Variants in MAF observed in about 807,000 individuals in gnomAD.
MAF encodes the protein transcription factor Maf.
MAF carries 10 observed loss-of-function variants against 22.0 expected under a neutral mutation model. That is an observed-to-expected ratio of 0.45 (90% CI 0.28 to 0.77). MAF has a LOEUF of 0.77. Among genes scored for constraint, MAF ranks in the 30% least tolerant of loss-of-function variants. The pLI is 0.12. For missense variants in MAF, 544 were observed against 548.4 expected (o/e 0.99, Z 0.08); for synonymous variants, 337 against 255.8 (o/e 1.32, Z -3.03).
At chr16:79,289,074 G>C in the MAF span, among the ~76,000 whole-genome samples, 1 of 152,214 alleles carries the variant, frequency 6.6e-6, no homozygotes, top group Non-Finnish European at 1.5e-5. Flanking sequence ...TACCTGCTGA[G>C]ATCTCTAAGT....
exon 2 of MAF, chr16:79,585,845 A>G: frequency 1.8e-6 from 1 of 564,022 alleles, no homozygotes; most frequent in Non-Finnish European, 3.1e-6. Flanking sequence ...AAAAAAAAAA[A>G]CTCAAGCACA....
the MAF span, among the ~76,000 whole-genome samples, chr16:79,546,418 G>T: frequency 2.0e-5 from 3 of 152,178 alleles, no homozygotes; most frequent in African/African-American, 7.2e-5. Context: ...CTTGGGCTGG[G>T]AGAAGAGATA....
chr16:79,571,643 C>T, the MAF span, among the ~76,000 whole-genome samples: 1 of 149,970 alleles, frequency 6.7e-6, no homozygotes, highest in African/African-American at 2.5e-5. Context: ...ATCCTGTAGG[C>T]CAAACGTAGT....
chr16:79,332,488 T>C, the MAF span, among the ~76,000 whole-genome samples: 5 of 152,156 alleles, frequency 3.3e-5, no homozygotes, highest in Non-Finnish European at 7.4e-5. Context: ...TTTGTAGAGA[T>C]AGAGTTTCGC....
downstream of MAF, among the ~76,000 whole-genome samples, chr16:79,582,365 A>G (rs759506620): frequency 1.3e-5 from 2 of 152,222 alleles, no homozygotes; most frequent in East Asian, 1.9e-4. Context: ...GTTTTAAGTA[A>G]GTAATGAGTG....
the MAF span, among the ~76,000 whole-genome samples, chr16:79,365,793 T>C: frequency 6.6e-6 from 1 of 152,216 alleles, no homozygotes; most frequent in African/African-American, 2.4e-5. Context: ...CATGAAATTG[T>C]TGACGAGGTG....
At chr16:79,554,447 T>G in the MAF span, among the ~76,000 whole-genome samples, 3 of 152,230 alleles carry the variant, frequency 2.0e-5, no homozygotes, top group Middle Eastern at 3.4e-3. Flanking sequence ...TCAAGAGAAT[T>G]TGAAAGCCAT....
At chr16:79,377,587 C>A in the MAF span, among the ~76,000 whole-genome samples, 1 of 152,204 alleles carries the variant, frequency 6.6e-6, no homozygotes, top group Non-Finnish European at 1.5e-5. Flanking sequence ...GTGTTTTAGA[C>A]ATGAAGTCCT....
the MAF span, among the ~76,000 whole-genome samples, chr16:79,342,459 T>A: frequency 1.3e-5 from 2 of 152,144 alleles, no homozygotes; most frequent in African/African-American, 4.8e-5. Flanking sequence ...TGAGCCTTTT[T>A]TTCTTTTATC....
chr16:79,299,231 A>C, the MAF span, among the ~76,000 whole-genome samples: 1 of 152,006 alleles, frequency 6.6e-6, no homozygotes, highest in Non-Finnish European at 1.5e-5. Flanking sequence ...ACCTCCCATT[A>C]ATGCGGGTTT....
At chr16:79,326,768 C>T in the MAF span, among the ~76,000 whole-genome samples, 1 of 152,174 alleles carries the variant, frequency 6.6e-6, no homozygotes, top group African/African-American at 2.4e-5. Context: ...CTGCATTTGG[C>T]ATGCAGGCTA....
At chr16:79,263,445 G>A in the MAF span, among the ~76,000 whole-genome samples, 1 of 152,196 alleles carries the variant, frequency 6.6e-6, no homozygotes, top group African/African-American at 2.4e-5. Context: ...AAATCCAAGA[G>A]TATTTGTAAT....
the MAF span, among the ~76,000 whole-genome samples, chr16:79,232,308 T>C: frequency 6.2e-4 from 94 of 152,196 alleles, no homozygotes; most frequent in Admixed American, 1.2e-3. Context: ...GATATGAATA[T>C]AGGCATGGTT....
chr16:79,208,720 C>T, the MAF span, among the ~76,000 whole-genome samples: 2 of 151,948 alleles, frequency 1.3e-5, 1 homozygote, highest in African/African-American at 4.8e-5. Flanking sequence ...GTGCCTCAGT[C>T]TTATTCTGAT....
chr16:79,456,219 A>T, the MAF span, among the ~76,000 whole-genome samples: 1 of 152,184 alleles, frequency 6.6e-6, no homozygotes, highest in African/African-American at 2.4e-5. Context: ...ACAGTCCTGG[A>T]AAGCATCCTG....
the MAF span, among the ~76,000 whole-genome samples, chr16:79,353,197 C>G: frequency 1.3e-5 from 2 of 151,942 alleles, no homozygotes; most frequent in African/African-American, 4.8e-5. Flanking sequence ...TCTCAGCTCA[C>G]TGCAACCTCT....
the MAF span, among the ~76,000 whole-genome samples, chr16:79,290,112 C>T: frequency 6.6e-6 from 1 of 152,240 alleles, no homozygotes; most frequent in Non-Finnish European, 1.5e-5. Flanking sequence ...CCACCTCGGC[C>T]TCCCAAAGTG....
the MAF span, among the ~76,000 whole-genome samples, chr16:79,316,818 C>G: frequency 6.6e-6 from 1 of 152,114 alleles, no homozygotes; most frequent in African/African-American, 2.4e-5. Flanking sequence ...TCCCTTCTTC[C>G]TCTCTGGGCT....
At chr16:79,569,054 T>C in the MAF span, among the ~76,000 whole-genome samples, 1 of 152,210 alleles carries the variant, frequency 6.6e-6, no homozygotes, top group African/African-American at 2.4e-5. Context: ...CCTAAGTCCC[T>C]GCAGGATCTC....
Sources: allele counts gnomAD v4.1 joint callset (sites outside exome capture counted in the v4.1 genomes callset), GRCh38; gene constraint gnomAD v4.1.1; transcripts MANE v1.5; gene names NCBI Gene and HGNC (gene_info 2026-07-23, HGNC 2026-07-21).